The following PSD3 variants were observed in gnomAD, a reference collection of about 807,000 sequenced individuals.
PSD3 encodes pleckstrin and Sec7 domain containing 3, also known as PH and SEC7 domain-containing protein 3.
Under a neutral mutation model 105.5 loss-of-function variants are expected in PSD3, and 49 were observed. The ratio of observed to expected loss-of-function variants is 0.46; its 90% CI spans 0.37 to 0.59. The LOEUF (loss-of-function observed/expected upper bound fraction) is 0.59. PSD3 is among the 20% of genes least tolerant of loss of function. The pLI is 0.00. For missense variants in PSD3, 1,561 were observed against 1,263.8 expected (o/e 1.24, Z -3.57); for synonymous variants, 557 against 457.8 (o/e 1.22, Z -2.77).
chr8:19,050,998 G>A (rs1454203593), intron 1 of PSD3, among the ~76,000 whole-genome samples: 1 of 152,118 alleles, frequency 6.6e-6, no homozygotes, highest in Non-Finnish European at 1.5e-5. Flanking sequence ...TAGGCTCATA[G>A]GATTTGATGT....
At chr8:18,818,874 C>A (rs2129449069) in intron 4 of PSD3, among the ~76,000 whole-genome samples, 1 of 152,156 alleles carries the variant, frequency 6.6e-6, no homozygotes, top group Non-Finnish European at 1.5e-5. Flanking sequence ...TCCCCTTGGA[C>A]TGATAAATGG....
Position 19,060,228 on chromosome 8 carries a change from T to C in PSD3, c.324+23978A>G, listed in dbSNP as rs183552061. Among the ~76,000 whole-genome samples the C allele has an allele frequency of 3.7e-3, 559 of 152,130 alleles. 7 individuals are homozygous for C. Among genetic ancestry groups the C allele is most frequent in the African/African-American group, 0.011 (477 of 41,518 alleles). ...GTGGATTCAGGTGACTAGAGGAAAA[T>C]TGAAAAAGAGAAAAAAAACTTTAAA... On this transcript the variant is annotated intron_variant, in intron 1 of 1. Transcript: ENST00000521475.
intron 1 of PSD3, among the ~76,000 whole-genome samples, chr8:18,996,033 C>G (rs1826063888): frequency 6.6e-6 from 1 of 152,010 alleles, no homozygotes; most frequent in Non-Finnish European, 1.5e-5. Flanking sequence ...TTCACTTCAA[C>G]AATGTCCCCA....
At chr8:18,541,909 C>G (rs535541334) in intron 15 of PSD3, among the ~76,000 whole-genome samples, 13 of 152,120 alleles carry the variant, frequency 8.5e-5, no homozygotes, top group African/African-American at 3.1e-4. Flanking sequence ...CGCGCCACCA[C>G]GCCTGGCTGA....
At chr8:18,674,917 T>C (rs1422822295) in intron 9 of PSD3, among the ~76,000 whole-genome samples, 2 of 152,008 alleles carry the variant, frequency 1.3e-5, no homozygotes, top group East Asian at 3.9e-4. Flanking sequence ...ATGAGGATTA[T>C]ATGAGGCCAG....
intron 1 of PSD3, among the ~76,000 whole-genome samples, chr8:18,956,080 C>T (rs183211686): frequency 1.2e-4 from 18 of 151,916 alleles, no homozygotes; most frequent in Non-Finnish European, 2.5e-4. Context: ...TATTTTAGAC[C>T]CCTAATCAAC....
intron 9 of PSD3, among the ~76,000 whole-genome samples, chr8:18,709,548 C>A (rs1205008805): frequency 6.6e-6 from 1 of 152,182 alleles, no homozygotes; most frequent in African/African-American, 2.4e-5. Context: ...CTAGGTGAAA[C>A]CTCCCAACAG....
At chr8:18,741,795 T>TAAA (rs3042866) in intron 9 of PSD3, among the ~76,000 whole-genome samples, 1 of 79,694 alleles carries the variant, frequency 1.3e-5, no homozygotes, top group African/African-American at 6.1e-5. Context: ...AATTTTATTG[T>TAAA]AAAAAAAAAA....
chr8:18,897,149 T>C (rs764830186), intron 2 of PSD3, among the ~76,000 whole-genome samples: 8 of 152,150 alleles, frequency 5.3e-5, no homozygotes, highest in Non-Finnish European at 1.2e-4. Context: ...GCTAGGTTGA[T>C]ATAATATCTC....
Position 18,808,085 on chromosome 8 carries a change from T to C in PSD3, c.1635-3187A>G, listed in dbSNP as rs190359387. Among the ~76,000 whole-genome samples the C allele has an allele frequency of 2.0e-5, 3 of 152,380 alleles. 1 individual carries two copies. The highest frequency in any genetic ancestry group is 2.1e-4 in the South Asian group (1 of 4,830). On this transcript the variant is annotated intron_variant, in intron 4 of 15. Coordinates refer to ENST00000327040, the MANE Select transcript of PSD3 (RefSeq NM_015310.4). ...GTAGAAATTTCTTTTAGGCAATTCA[T>C]GGTTACTTTGTGTTTTCCCATACAA...
intron 1 of PSD3, among the ~76,000 whole-genome samples, chr8:18,953,380 AACACAT>A (rs1823366137): frequency 6.6e-6 from 1 of 152,192 alleles, no homozygotes; most frequent in African/African-American, 2.4e-5. Flanking sequence ...TACTCAAGGC[AACACAT>A]ATAAATATAT....
intron 4 of PSD3, chr8:18,864,993 A>G (rs1407025808): frequency 6.6e-6 from 1 of 151,898 alleles, no homozygotes. Context: ...CTCTACATTT[A>G]GAACTTAGTT....
intron 1 of PSD3, among the ~76,000 whole-genome samples, chr8:19,054,506 T>C (rs138072270): frequency 4.1e-4 from 63 of 152,316 alleles, no homozygotes; most frequent in Middle Eastern, 3.4e-3. Flanking sequence ...CCCAGAGCTC[T>C]ATAATCATCT....
intron 15 of PSD3, among the ~76,000 whole-genome samples, chr8:18,550,472 G>C (rs1393894872): frequency 6.6e-6 from 1 of 152,058 alleles, no homozygotes; most frequent in African/African-American, 2.4e-5. Context: ...GAATCTCTTT[G>C]ACTTGCAATA....
In PSD3 at chr8:19,010,305, C is replaced by T. The variant is rs541196610; in HGVS notation, c.21+3258G>A. ...GTGCCCTGATGTGTCAACAAAGTCC[C>T]TCCCCACTAGGCACCAACTGGGCCC... is the stretch of plus-strand genomic sequence containing the variant. On this transcript the variant is annotated intron_variant, in intron 1 of 15. Coordinates refer to ENST00000327040, the MANE Select transcript of PSD3 (RefSeq NM_015310.4). 9.8e-5 allele frequency among the ~76,000 whole-genome samples: 15 copies of T among 152,290 alleles called. No individual in the cohort carries two copies. In the South Asian group the frequency reaches 2.9e-3, roughly 29 times the overall value.
At chr8:19,045,167 G>A (rs1828273489) in intron 1 of PSD3, among the ~76,000 whole-genome samples, 2 of 151,834 alleles carry the variant, frequency 1.3e-5, no homozygotes, top group East Asian at 1.9e-4. Context: ...CCAGGGTGAC[G>A]GAGCAAGACT....
intron 14 of PSD3, among the ~76,000 whole-genome samples, chr8:18,566,616 T>C (rs867475750): frequency 6.6e-6 from 1 of 152,060 alleles, no homozygotes; most frequent in Non-Finnish European, 1.5e-5. Context: ...AAGCAAATGC[T>C]GGGTGATGCA....
rs939536218 is a variant in PSD3 at position 18,533,944 on chromosome 8, C to G, written c.*1799G>C. 25 of 151,190 alleles carry G rather than the reference C, an allele frequency of 1.7e-4. No individual in the cohort carries two copies. Among genetic ancestry groups the G allele is most frequent in the African/African-American group, 5.8e-4 (24 of 41,120 alleles). 9.4% of individuals were successfully genotyped at this position (151,190 alleles called of 1,614,324 possible). On this transcript the variant is annotated 3_prime_UTR_variant, in exon 16 of 16. Transcript: ENST00000327040. ...GAGGTTTTTTTTTTTACAGGTGTGG[C>G]AAAATACTTATTACAAAGAAAGCAA...
chr8:18,841,510 C>A (rs1308025740), intron 4 of PSD3, among the ~76,000 whole-genome samples: 5 of 147,560 alleles, frequency 3.4e-5, no homozygotes, highest in Admixed American at 6.8e-5. Flanking sequence ...TGAATTTAAA[C>A]ACTCACTAGC....
Sources: gnomAD v4.1 joint callset for allele counts (sites outside exome capture counted in the v4.1 genomes callset) on GRCh38, gnomAD v4.1.1 for gene constraint, MANE v1.5 for transcripts, NCBI Gene and HGNC (gene_info 2026-07-23, HGNC 2026-07-21) for gene names.